MGAM: variants seen among roughly 807,000 people sequenced by gnomAD.
MGAM encodes maltase-glucoamylase, also known as alpha-1,4-glucosidase.
MGAM carries 253 observed loss-of-function variants against 358.8 expected under a neutral mutation model. The observed-to-expected ratio is 0.71, with a 90% CI of 0.64 to 0.78. MGAM has a LOEUF of 0.78. MGAM is among the 30% of genes least tolerant of loss of function. The pLI, the probability that MGAM is intolerant of heterozygous loss-of-function variation, is 0.00. For synonymous variants in MGAM, 1,105 were observed against 1,227.1 expected (o/e 0.90, Z 2.08); for missense variants, 3,080 against 3,432.6 (o/e 0.90, Z 2.57).
chr7:142,008,785 T>G (rs1805374253), intron 3 of MGAM, 80 bp downstream of exon 3: 14 of 1,465,032 alleles, frequency 9.6e-6, no homozygotes, highest in Middle Eastern at 1.8e-4. Context: ...TTGTTTTGGT[T>G]TTCTTTATTA....
Position 142,102,660 on chromosome 7 carries a change from C to T in MGAM, c.7994C>T (p.Ala2665Val), listed in dbSNP as rs377502170. The T allele has an allele frequency of 5.0e-6, 8 of 1,613,182 alleles. No individual in the cohort carries two copies. Among genetic ancestry groups the T allele is most frequent in the Non-Finnish European group, 6.8e-6 (8 of 1,179,626 alleles). The change falls in exon 69 of 71, where the codon GCC (alanine) becomes GTC (valine). Residue 2665 changes from alanine (A) to valine (V), a missense_variant. This residue lies in a region of MGAM where 194 missense variants were observed against 172.8 expected (regional missense o/e 1.12). Coordinates refer to ENST00000475668, the MANE Select transcript of MGAM (RefSeq NM_001365693.1). ...DTYGKGLYYL[A>V]SFSASQNTMQ... ...TATGGGAAAGGACTCTATTACTTGG[C>T]CAGCTTTTCTGCCAGCCAGGTGAGT...
intron 4 of MGAM, 125 bp downstream of exon 4, chr7:142,019,444 G>T (rs2128993812): frequency 9.5e-7 from 1 of 1,049,106 alleles, no homozygotes; most frequent in Admixed American, 3.1e-5. Context: ...CAGAAGGTGG[G>T]CATTGCTCTT....
At chr7:142,025,294 C>A (rs782531253) in intron 8 of MGAM, 145 bp downstream of exon 8, 36 of 605,232 alleles carry the variant, frequency 5.9e-5, no homozygotes, top group Non-Finnish European at 9.5e-5. Flanking sequence ...ATTGTGCTAT[C>A]CCTACTTCAT....
chr7:142,084,008 G>T (rs1424979903), intron 53 of MGAM, among the ~76,000 whole-genome samples: 2 of 145,654 alleles, frequency 1.4e-5, no homozygotes, highest in Non-Finnish European at 3.1e-5. Context: ...TGGTTGTTGT[G>T]GCAGCAGCAG....
Position 142,082,385 on chromosome 7 carries a change from G to C in MGAM, c.6172-90G>C, listed in dbSNP as rs1294120996. ...TTAATTGATTTCATGGAGAAAACTA[G>C]ACCCATCTTAGCAAGCATATTTTTG... On this transcript the variant is annotated intron_variant, in intron 51 of 70. Coordinates refer to ENST00000475668, the MANE Select transcript of MGAM (RefSeq NM_001365693.1). 5.4e-6 allele frequency: 7 copies of C among 1,287,816 alleles called. No individual in the cohort carries two copies. In the East Asian group the frequency reaches 1.8e-4, roughly 33 times the overall value. The allele number at this position is 1,287,816 out of a possible 1,614,324, so 79.8% of individuals were successfully genotyped here. A position where few individuals can be genotyped will look rare whatever the true frequency, so the allele number is the denominator to read the frequency against.
At chr7:142,014,692 A>T (rs868974280) in intron 3 of MGAM, among the ~76,000 whole-genome samples, 21 of 152,040 alleles carry the variant, frequency 1.4e-4, no homozygotes, top group African/African-American at 5.1e-4. Flanking sequence ...CTCTATATAT[A>T]CTTGTAAATA....
chr7:142,104,597 A>G (rs530336171), intron 70 of MGAM, among the ~76,000 whole-genome samples: 1 of 152,292 alleles, frequency 6.6e-6, no homozygotes, highest in Admixed American at 6.5e-5. Flanking sequence ...TGATCTTACT[A>G]AATATTCCTT....
In MGAM at chr7:142,059,868, T is replaced by C. The variant is rs761723333; in HGVS notation, c.3961T>C (p.Ser1321Pro). The C allele has an allele frequency of 5.6e-6, 9 of 1,609,820 alleles. No individual in the cohort carries two copies. In the East Asian group the frequency reaches 2.0e-4, roughly 36 times the overall value. ...GCTTTGATTTCAGGATCCAGCCATT[T>C]CTGGCAATGAGACACAGCCTTATCC... Reference protein sequence around the residue: ...RVILILDPAISGNETQPYPAF... With the variant: ...RVILILDPAIPGNETQPYPAF... The change falls in exon 33 of 71, where the codon TCT (serine) becomes CCT (proline). Residue 1321 changes from serine (S) to proline (P), a missense_variant. Coordinates refer to ENST00000475668, the MANE Select transcript of MGAM (RefSeq NM_001365693.1).
At position 142,103,302 on chromosome 7, in the gene MGAM, T is replaced by TA. The variant is rs777914137; in HGVS notation, c.8048dup (p.Tyr2683Ter). 2.0e-5 allele frequency: 33 copies of TA among 1,611,352 alleles called. No homozygotes were observed. Among genetic ancestry groups the TA allele is most frequent in the Non-Finnish European group, 2.8e-5 (33 of 1,178,940 alleles). The change falls in exon 70 of 71, where the codon TAC becomes TAAC. Residue 2683 changes from tyrosine to a stop codon, truncating the protein, a stop_gained and frameshift_variant. Coordinates refer to ENST00000475668, the MANE Select transcript of MGAM (RefSeq NM_001365693.1). LOFTEE classifies it high-confidence loss of function. ...GCAAAGCCATATAATTTTCAACAAT[T>TA]ACATCACTGGTACAAATCCTTTGAA... ...TMQSHIIFNN[Y>*]ITGTNPLKLG...
chr7:142,076,970 C>G lies in MGAM; in HGVS notation c.5493+144C>G. 2.1e-6 allele frequency: 2 copies of G among 948,660 alleles called. 1 individual carries two copies. Among genetic ancestry groups the G allele is most frequent in the Non-Finnish European group, 3.2e-6 (2 of 629,314 alleles). 58.8% of individuals were successfully genotyped at this position (948,660 alleles called of 1,614,324 possible). A position where few individuals can be genotyped will look rare whatever the true frequency, so the allele number is the denominator to read the frequency against. ...GGGAATTGAGAGGGCACCTTTGATGCCTTTTTTGGGGAAAAAAATGAGGTG... is the reference window on the plus strand; with the variant it reads ...GGGAATTGAGAGGGCACCTTTGATGGCTTTTTTGGGGAAAAAAATGAGGTG... On this transcript the variant is annotated intron_variant, in intron 47 of 70. Transcript: ENST00000475668.
At chr7:142,041,480 C>G (rs1010864266) in intron 21 of MGAM, among the ~76,000 whole-genome samples, 2 of 151,994 alleles carry the variant, frequency 1.3e-5, no homozygotes, top group African/African-American at 4.8e-5. Context: ...TAACTGTTCA[C>G]CTTCAAGCTG....
chr7:142,095,821 C>G, intron 64 of MGAM, 108 bp downstream of exon 64: 1 of 1,498,622 alleles, frequency 6.7e-7, no homozygotes, highest in Non-Finnish European at 9.1e-7. Context: ...TTGACATGAG[C>G]TCTTCAGGTG....
At position 142,100,889 on chromosome 7, in the gene MGAM, T is replaced by G. The variant is rs1209200698; in HGVS notation, c.7962T>G (p.Ile2654Met). The stretch of plus-strand genomic sequence containing the variant: ...TCTTCTGGGATGATGGGCAAAGCAT[T>G]GGTGAGTAGAGGTTGCCTGAGATTC... ...GWLFWDDGQS[I>M]DTYGKGLYYL... The change falls in exon 68 of 71, where the codon ATT (isoleucine) becomes ATG (methionine). Residue 2654 changes from isoleucine to methionine, a missense_variant and splice_region_variant. Physicochemically the swap from Ile to Met is conservative, Grantham distance 10. This residue lies in a region of MGAM where 194 missense variants were observed against 172.8 expected (regional missense o/e 1.12). Coordinates refer to ENST00000475668, the MANE Select transcript of MGAM (RefSeq NM_001365693.1). The G allele has an allele frequency of 1.2e-6, 2 of 1,612,544 alleles. No homozygotes were observed. The highest frequency in any genetic ancestry group is 1.7e-6 in the Non-Finnish European group (2 of 1,179,308).
rs1815721755 is a variant in MGAM, at chr7:142,094,650, C to A, written c.7337C>A (p.Ser2446Tyr). Residue 2446 changes from serine to tyrosine, a missense_variant, in exon 62 of 71, where the codon TCC (serine) becomes TAC (tyrosine). Physicochemically the swap from Ser to Tyr is moderately radical, Grantham distance 144 (BLOSUM62 -2). Transcript: ENST00000475668. ...GMMEFSLFGI[S>Y]YTGADICGFF... Reference sequence around the variant, plus strand: ...ATGGAGTTCAGCCTCTTCGGCATATCCTATGTGAGTGTCCTTGGGATCCTC... The same window carrying A: ...ATGGAGTTCAGCCTCTTCGGCATATACTATGTGAGTGTCCTTGGGATCCTC... The A allele has an allele frequency of 4.3e-6, 7 of 1,611,442 alleles. No individual in the cohort carries two copies. In the South Asian group the frequency reaches 7.7e-5, roughly 18 times the overall value.
intron 31 of MGAM, 124 bp from the exon 32 acceptor site, chr7:142,059,348 C>A: frequency 6.9e-7 from 1 of 1,443,044 alleles, no homozygotes; most frequent in Non-Finnish European, 9.3e-7. Flanking sequence ...AATGGCAGAG[C>A]TGGGATTTGA....
At chr7:141,989,603 TG>T (rs1803857490) in intron 2 of MGAM, among the ~76,000 whole-genome samples, 1 of 151,740 alleles carries the variant, frequency 6.6e-6, no homozygotes, top group African/African-American at 2.4e-5. Context: ...TTGCCCAGGA[TG>T]GAGTGCAGTG....
chr7:142,023,430 C>CATATAT (rs111642860), intron 7 of MGAM, among the ~76,000 whole-genome samples: 131 of 148,266 alleles, frequency 8.8e-4, no homozygotes, highest in African/African-American at 3.1e-3. Flanking sequence ...ATTTATTAGT[C>CATATAT]ATATATATAT....
intron 2 of MGAM, among the ~76,000 whole-genome samples, chr7:141,989,747 C>G (rs1463376260): frequency 1.3e-5 from 2 of 151,828 alleles, no homozygotes; most frequent in East Asian, 3.9e-4. Flanking sequence ...GGAAAATTCC[C>G]CAGATTTTCA....
upstream of MGAM, among the ~76,000 whole-genome samples, chr7:141,993,839 T>G (rs78581354): frequency 1.3e-5 from 2 of 152,340 alleles, no homozygotes; most frequent in East Asian, 3.9e-4. Flanking sequence ...CAATCGCTAT[T>G]AGACATATCG....
Sources: allele counts gnomAD v4.1 joint callset (sites outside exome capture counted in the v4.1 genomes callset), GRCh38; gene constraint gnomAD v4.1.1; regional missense constraint gnomAD v4.1.1; transcripts MANE v1.5; gene names NCBI Gene and HGNC (gene_info 2026-07-23, HGNC 2026-07-21).